The following TRAF3IP1 variants were observed in gnomAD, a reference collection of about 807,000 sequenced individuals.
The protein encoded by TRAF3IP1 is intraflagellar transport 54, also known as TRAF3-interacting protein 1.
A neutral mutation model predicts 89.9 loss-of-function variants in TRAF3IP1; 53 were observed. That is an observed-to-expected ratio of 0.59 (90% CI 0.47 to 0.74). TRAF3IP1 has a LOEUF of 0.74. Among genes scored for constraint, TRAF3IP1 ranks in the 30% least tolerant of loss-of-function variants. The pLI is 0.00. For synonymous variants in TRAF3IP1, 311 were observed against 322.1 expected (o/e 0.97, Z 0.37); for missense variants, 806 against 866.1 (o/e 0.93, Z 0.87).
In TRAF3IP1 at chr2:238,329,036, G is replaced by A. The variant is rs760483770; in HGVS notation, c.609G>A (p.Lys203=). The change falls in exon 5 of 17, where the codon AAG becomes AAA. Residue 203 remains lysine, a synonymous_variant. Transcript: ENST00000373327. The part of the protein sequence containing the change: ...KPREKDKDKE[K]AKENGGNRHR... ...GAGAAAAGGACAAGGACAAGGAGAAGGCCAAGGAGAATGGCGGAAACAGAC... is the reference window on the plus strand; with the variant it reads ...GAGAAAAGGACAAGGACAAGGAGAAAGCCAAGGAGAATGGCGGAAACAGAC... 10 of 1,551,608 alleles carry A rather than the reference G, an allele frequency of 6.4e-6. No homozygotes were observed. Among genetic ancestry groups the A allele is most frequent in the Middle Eastern group, 1.7e-4 (1 of 6,016 alleles).
rs914125763 is a variant in TRAF3IP1 at position 238,356,060 on chromosome 2, T to A, written c.1669T>A (p.Ser557Thr). ...GAAAGATTATGAGAAATTGCAGCAG[T>A]CACCCAAACCTGGGGAGAAGGTAAT... ...TKKDYEKLQQSPKPGEKERSL... is the reference protein window; with the variant it reads ...TKKDYEKLQQTPKPGEKERSL... The change falls in exon 15 of 17, where the codon TCA becomes ACA. Residue 557 changes from serine to threonine, a missense_variant. Ser to Thr is a moderately conservative substitution (Grantham distance 58). Coordinates refer to ENST00000373327, the MANE Select transcript of TRAF3IP1 (RefSeq NM_015650.4). 1.5e-5 allele frequency: 25 copies of A among 1,613,662 alleles called. No homozygotes were observed. The highest frequency in any genetic ancestry group is 3.3e-4 in the Middle Eastern group (2 of 6,084).
At chr2:238,350,271 A>G (rs1403242275) in intron 12 of TRAF3IP1, among the ~76,000 whole-genome samples, 1 of 151,992 alleles carries the variant, frequency 6.6e-6, no homozygotes, top group Non-Finnish European at 1.5e-5. Context: ...TTTTCTAATG[A>G]CGGGAATGAT....
At chr2:238,342,491 G>C (rs1003223452) in intron 8 of TRAF3IP1, among the ~76,000 whole-genome samples, 1 of 151,970 alleles carries the variant, frequency 6.6e-6, no homozygotes, top group Non-Finnish European at 1.5e-5. Context: ...CTTTGAAAAG[G>C]TAAAATTGTG....
rs190466294 is a variant in TRAF3IP1, at chr2:238,374,019, G to A, written c.1689+17939G>A. 2.3e-3 allele frequency among the ~76,000 whole-genome samples: 357 copies of A among 152,276 alleles called. 2 individuals are homozygous for A. Among genetic ancestry groups the A allele is most frequent in the African/African-American group, 8.4e-3 (348 of 41,558 alleles). On this transcript the variant is annotated intron_variant, in intron 15 of 16. Transcript: ENST00000373327. ...TGCTGAAATTGCTTAATCAGCTTAA[G>A]GATATTTTGGGCTGAGACAATGGGG...
Position 238,352,954 on chromosome 2 carries a change from A to T in TRAF3IP1, c.1575+4A>T. The T allele has an allele frequency of 6.2e-7, 1 of 1,605,878 alleles. No individual in the cohort carries two copies. The highest frequency in any genetic ancestry group is 8.5e-7 in the Non-Finnish European group (1 of 1,177,388). ...TGAAATGTCAGAAATTGAAATGGTT[A>T]GTTAACCGAAATATGATGTTTTTTA... On this transcript the variant is annotated splice_donor_region_variant and intron_variant, in intron 13 of 16. Coordinates refer to ENST00000373327, the MANE Select transcript of TRAF3IP1 (RefSeq NM_015650.4).
rs746260880 is a variant in TRAF3IP1, at chr2:238,349,278, A to G, written c.1368-47A>G. 9 of 1,557,450 alleles carry G rather than the reference A, an allele frequency of 5.8e-6. No individual in the cohort carries two copies. In the Admixed American group the frequency reaches 1.0e-4, roughly 18 times the overall value. On this transcript the variant is annotated intron_variant, in intron 11 of 16. Coordinates refer to ENST00000373327, the MANE Select transcript of TRAF3IP1 (RefSeq NM_015650.4). ...GGCTTTCTTTTCCAGTTTGAAATGT[A>G]TAAGCCTTTCATACTCCTTTTTTGG...
rs114840750 is a variant in TRAF3IP1, at chr2:238,391,877, T to C, written c.1690-5582T>C. On this transcript the variant is annotated intron_variant, in intron 15 of 16. Coordinates refer to ENST00000373327, the MANE Select transcript of TRAF3IP1 (RefSeq NM_015650.4). ...GATAGTCATTATGAATGGGTTTTAA[T>C]AGAAGTTTGAATTTCTTAACTAAGT... Among the ~76,000 whole-genome samples the C allele has an allele frequency of 3.9e-3, 592 of 152,364 alleles. 5 individuals carry two copies. The highest frequency in any genetic ancestry group is 0.013 in the African/African-American group (560 of 41,590).
At chr2:238,347,396 A>G in intron 9 of TRAF3IP1, 59 bp from the exon 10 acceptor site, 3 of 1,582,490 alleles carry the variant, frequency 1.9e-6, no homozygotes, top group Non-Finnish European at 8.7e-7. Context: ...TGTTCTCATC[A>G]TTTAATGTAT....
chr2:238,388,593 CT>C (rs752954955), intron 15 of TRAF3IP1, among the ~76,000 whole-genome samples: 519 of 104,182 alleles, frequency 5.0e-3, no homozygotes, highest in African/African-American at 0.016. Flanking sequence ...AAGAACACAA[CT>C]TTTTTTTTTT....
chr2:238,329,117 A>T lies in TRAF3IP1; in HGVS notation c.690A>T (p.Arg230=). ...CCCGGGCCAGGCCAGACAACGAGCG[A>T]CAGAAAGACAGAGGCAACAGGGAGC... ...AKARARPDNE[R]QKDRGNRERD... The change falls in exon 5 of 17, where the codon CGA becomes CGT. Residue 230 remains arginine, a synonymous_variant. Coordinates refer to ENST00000373327, the MANE Select transcript of TRAF3IP1 (RefSeq NM_015650.4). 1 of 1,550,720 alleles carries T rather than the reference A, an allele frequency of 6.4e-7. No individual in the cohort carries two copies.
intron 7 of TRAF3IP1, among the ~76,000 whole-genome samples, chr2:238,334,315 A>G (rs530412323): frequency 6.6e-6 from 1 of 152,262 alleles, no homozygotes; most frequent in Non-Finnish European, 1.5e-5. Context: ...TTCATTTTCC[A>G]GAAATACTTA....
intron 15 of TRAF3IP1, among the ~76,000 whole-genome samples, chr2:238,370,372 G>A (rs1355089676): frequency 6.6e-6 from 1 of 152,126 alleles, no homozygotes; most frequent in Admixed American, 6.5e-5. Context: ...ATGTATACGT[G>A]TGCATGTCTG....
rs530852581 is a variant in TRAF3IP1 at position 238,351,745 on chromosome 2, G to T, written c.1452-1082G>T. Among the ~76,000 whole-genome samples, 12 of 152,232 alleles carry T rather than the reference G, an allele frequency of 7.9e-5. No homozygotes were observed. In the East Asian group the frequency reaches 1.5e-3, roughly 20 times the overall value. ...CAGTTGAGGAAGTCGAGGATGTTTG[G>T]GGCAATGGGTGTTATTTTCAGAGGT... On this transcript the variant is annotated intron_variant, in intron 12 of 16. Coordinates refer to ENST00000373327, the MANE Select transcript of TRAF3IP1 (RefSeq NM_015650.4). This position sits in a 1 kb window ranked among gnomAD's most constrained non-coding sequence, Gnocchi z 5.2.
intron 15 of TRAF3IP1, among the ~76,000 whole-genome samples, chr2:238,362,698 C>T (rs888728968): frequency 2.0e-5 from 3 of 152,238 alleles, no homozygotes; most frequent in Non-Finnish European, 4.4e-5. Context: ...TTTAGGCATC[C>T]ATTTGCATAG....
At chr2:238,363,959 CA>C (rs896302071) in intron 15 of TRAF3IP1, among the ~76,000 whole-genome samples, 4 of 151,276 alleles carry the variant, frequency 2.6e-5, no homozygotes, top group Admixed American at 6.6e-5. Flanking sequence ...GACTCTGTCT[CA>C]AAAAAAATAT....
intron 3 of TRAF3IP1, among the ~76,000 whole-genome samples, chr2:238,327,958 A>C (rs1056149968): frequency 4.6e-5 from 7 of 152,288 alleles, no homozygotes; most frequent in South Asian, 2.1e-4. Context: ...ATTGTAATGG[A>C]TATACCATAT....
intron 15 of TRAF3IP1, among the ~76,000 whole-genome samples, chr2:238,372,615 A>G (rs146983729): frequency 0.059 from 9,042 of 152,344 alleles, 381 homozygotes; most frequent in Non-Finnish European, 0.081. Flanking sequence ...TCTTTATAGC[A>G]GAATGATTTA....
chr2:238,346,160 A>T (rs111628771), intron 9 of TRAF3IP1, among the ~76,000 whole-genome samples: 36 of 152,132 alleles, frequency 2.4e-4, no homozygotes, highest in African/African-American at 8.4e-4. Context: ...TGCTAAGCAC[A>T]CGCTCCAGGC....
chr2:238,361,186 A>C (rs912987852), intron 15 of TRAF3IP1, among the ~76,000 whole-genome samples: 1 of 151,584 alleles, frequency 6.6e-6, no homozygotes, highest in South Asian at 2.1e-4. Context: ...AGCTGGGACT[A>C]CAGGCACACG....
Sources: gnomAD v4.1 joint callset for allele counts (sites outside exome capture counted in the v4.1 genomes callset) on GRCh38, gnomAD v4.1.1 for gene constraint, Gnocchi (gnomAD v3.1) non-coding constraint, MANE v1.5 for transcripts, NCBI Gene and HGNC (gene_info 2026-07-23, HGNC 2026-07-21) for gene names.